ARSA: variants seen among roughly 807,000 people sequenced by gnomAD.
ARSA encodes arylsulfatase A.
In ARSA, 32 loss-of-function variants were observed where a neutral mutation model predicts 37.8. That is an observed-to-expected ratio of 0.85 (90% CI 0.64 to 1.14). ARSA has a LOEUF of 1.14. Among genes scored for constraint, ARSA ranks in the 50% most tolerant of loss-of-function variants. ARSA has a pLI of 0.00. For synonymous variants in ARSA, 303 were observed against 303.4 expected, an observed-to-expected ratio of 1.00 and a Z score of 0.01; for missense variants, 685 against 686.3, an observed-to-expected ratio of 1.00 and a Z score of 0.02.
At position 50,626,246 on chromosome 22, in the gene ARSA, C is replaced by T. The variant is rs199476347; in HGVS notation, c.887G>A (p.Cys296Tyr). The T allele has an allele frequency of 1.2e-6, 2 of 1,613,442 alleles. No homozygotes were observed. Among genetic ancestry groups the T allele is most frequent in the African/African-American group, 2.7e-5 (2 of 74,936 alleles). Residue 296 changes from cysteine (C) to tyrosine (Y), a missense_variant, in exon 5 of 8, where the codon TGC (cysteine) becomes TAC (tyrosine). Cys to Tyr is a radical substitution (Grantham distance 194). Transcript: ENST00000216124. ...CTTTCCACACCGCAAGAGACCGGAGCAGCCGCCTCGGGACATACGCATGGT... is the reference window on the plus strand; with the variant it reads ...CTTTCCACACCGCAAGAGACCGGAGTAGCCGCCTCGGGACATACGCATGGT... ...PETMRMSRGGCSGLLRCGKGT... is the reference protein window; with the variant it reads ...PETMRMSRGGYSGLLRCGKGT...
In ARSA at chr22:50,625,020, G is replaced by C. The variant is rs886057656; in HGVS notation, c.*125C>G. ...GCATTACCCCAGGATTGGACGAATT[G>C]TCACATCTGCAAGTCTCCACTGGTG... is the stretch of plus-strand genomic sequence containing the variant. On this transcript the variant is annotated 3_prime_UTR_variant, in exon 8 of 8. Coordinates refer to ENST00000216124, the MANE Select transcript of ARSA (RefSeq NM_000487.6). The C allele has an allele frequency of 1.7e-6, 2 of 1,178,520 alleles. No homozygotes were observed. Among genetic ancestry groups the C allele is most frequent in the Non-Finnish European group, 2.3e-6 (2 of 867,556 alleles). 73.0% of individuals were successfully genotyped at this position (1,178,520 alleles called of 1,614,324 possible).
intron 7 of ARSA, 27 bp downstream of exon 7, chr22:50,625,552 G>A (rs1267261611): frequency 1.9e-6 from 3 of 1,611,196 alleles, no homozygotes; most frequent in East Asian, 2.2e-5. Context: ...AGCAGGTCGG[G>A]GGGAGGGATC....
At position 50,626,208 on chromosome 22, in the gene ARSA, C is replaced by T. The variant is rs199476360; in HGVS notation, c.925G>A (p.Glu309Lys). The T allele has an allele frequency of 1.1e-5, 18 of 1,612,570 alleles. No homozygotes were observed. The highest frequency in any genetic ancestry group is 5.3e-5 in the African/African-American group (4 of 74,924). Reference sequence around the variant, plus strand: ...AAGGCAGGCTCTCGGACACCGCCCTCGTAGGTCGTTCCCTTTCCACACCGC... The same window carrying T: ...AAGGCAGGCTCTCGGACACCGCCCTTGTAGGTCGTTCCCTTTCCACACCGC... Reference protein sequence around the residue: ...LLRCGKGTTYEGGVREPALAF... With the variant: ...LLRCGKGTTYKGGVREPALAF... Residue 309 changes from glutamate to lysine, a missense_variant, in exon 5 of 8, where the codon GAG becomes AAG. Transcript: ENST00000216124.
In ARSA at chr22:50,623,369, A is replaced by T. The variant is rs2082616424; in HGVS notation, c.*1776T>A. The T allele has an allele frequency of 6.6e-6, 1 of 152,202 alleles. No individual in the cohort carries two copies. Among genetic ancestry groups the T allele is most frequent in the African/African-American group, 2.4e-5 (1 of 41,448 alleles). 9.4% of individuals were successfully genotyped at this position (152,202 alleles called of 1,614,324 possible). A position where few individuals can be genotyped will look rare whatever the true frequency, so the allele number is the denominator to read the frequency against. On this transcript the variant is annotated 3_prime_UTR_variant, in exon 8 of 8. Transcript: ENST00000216124. Reference sequence around the variant, plus strand: ...CTCAAGGGCAAACTGGGTCACTGTAAGGGGTTTGGATTTTCTTCTGAGAAG... The same window carrying T: ...CTCAAGGGCAAACTGGGTCACTGTATGGGGTTTGGATTTTCTTCTGAGAAG...
rs2082639311 is a variant in ARSA at position 50,625,068 on chromosome 22, C to T, written c.*77G>A. On this transcript the variant is annotated 3_prime_UTR_variant, in exon 8 of 8. Transcript: ENST00000216124. Reference sequence around the variant, plus strand: ...GTGTTATTACGTTATCAGGCACAAACCCCCTCCAGACACCTGAGCCTCCCC... The same window carrying T: ...GTGTTATTACGTTATCAGGCACAAATCCCCTCCAGACACCTGAGCCTCCCC... 3.5e-6 allele frequency: 5 copies of T among 1,420,484 alleles called. No individual in the cohort carries two copies. The highest frequency in any genetic ancestry group is 1.5e-5 in the South Asian group (1 of 68,608). 88.0% of individuals were successfully genotyped at this position (1,420,484 alleles called of 1,614,324 possible).
intron 7 of ARSA, 45 bp from the exon 8 acceptor site, chr22:50,625,509 G>C (rs963103843): frequency 6.2e-7 from 1 of 1,612,240 alleles, no homozygotes; most frequent in South Asian, 1.1e-5. Flanking sequence ...GGCGAGAGGA[G>C]GGGCCAGGGA....
At chr22:50,626,312 C>T in intron 4 of ARSA, 34 bp from the exon 5 acceptor site, 1 of 1,605,714 alleles carries the variant, frequency 6.2e-7, no homozygotes, top group Non-Finnish European at 8.5e-7. Context: ...AGCCATGGAG[C>T]CACAGCCTCT....
chr22:50,627,556 C>T lies in ARSA; in HGVS notation c.224G>A (p.Arg75Lys). ...GGAAGAGGCGCGGCCCCCTCTTTAC[C>T]TAGAGGGTGTGCACAGAGACACAGG... ...YVPVSLCTPS[R>K]AALLTGRLPV... The change falls in exon 1 of 8, where the codon AGG (arginine) becomes AAG (lysine). Residue 75 changes from arginine to lysine, a missense_variant and splice_region_variant. By Grantham distance (26) the Arg-to-Lys change is conservative. Transcript: ENST00000216124. 6.4e-7 allele frequency: 1 copy of T among 1,560,066 alleles called. No homozygotes were observed. The highest frequency in any genetic ancestry group is 8.7e-7 in the Non-Finnish European group (1 of 1,151,684).
chr22:50,625,770 C>T (rs1159114687), intron 6 of ARSA, 89 bp from the exon 7 acceptor site: 43 of 1,556,722 alleles, frequency 2.8e-5, no homozygotes, highest in African/African-American at 9.5e-5. Flanking sequence ...AGGCCCTGGA[C>T]GTGCACCGCT....
At chr22:50,625,736 C>T (rs1477860028) in intron 6 of ARSA, 55 bp from the exon 7 acceptor site, 5 of 1,583,166 alleles carry the variant, frequency 3.2e-6, no homozygotes, top group Non-Finnish European at 4.3e-6. Context: ...ACTGCACATA[C>T]CTGGGGCTGC....
Position 50,626,664 on chromosome 22 carries a change from C to G in ARSA, c.781G>C (p.Gly261Arg), listed in dbSNP as rs138850940. The change falls in exon 4 of 8, where the codon GGG becomes CGG. Residue 261 changes from glycine to arginine, a missense_variant. Gly to Arg is a moderately radical substitution (Grantham distance 125). Coordinates refer to ENST00000216124, the MANE Select transcript of ARSA (RefSeq NM_000487.6). Reference protein sequence around the residue: ...DSLMELDAAVGTLMTAIGDLG... With the variant: ...DSLMELDAAVRTLMTAIGDLG... The stretch of plus-strand genomic sequence containing the variant: ...TCCCCTATGGCTGTCATCAGGGTCC[C>G]CACAGCTGCATCCAGCTCCATCAGG... 1.2e-6 allele frequency: 2 copies of G among 1,614,172 alleles called. No homozygotes were observed. Among genetic ancestry groups the G allele is most frequent in the Admixed American group, 1.7e-5 (1 of 60,030 alleles).
At chr22:50,625,827 T>G (rs1354533218) in intron 6 of ARSA, 109 bp downstream of exon 6, 2 of 1,541,692 alleles carry the variant, frequency 1.3e-6, no homozygotes, top group Non-Finnish European at 1.8e-6. Flanking sequence ...TGGATGCCAC[T>G]CAGTGCAGGA....
rs917732194 is a variant in ARSA at position 50,626,083 on chromosome 22, C to A, written c.980-20G>T. The stretch of plus-strand genomic sequence containing the variant: ...TCACGCCTGGGGGCAGGAGGCTGGT[C>A]AGTCACTCAGTTCGCCATCAAGGTT... On this transcript the variant is annotated intron_variant, in intron 5 of 7. Coordinates refer to ENST00000216124, the MANE Select transcript of ARSA (RefSeq NM_000487.6). 1.5e-5 allele frequency: 24 copies of A among 1,598,782 alleles called. No homozygotes were observed. In the African/African-American group the frequency reaches 2.8e-4, roughly 19 times the overall value.
Position 50,625,189 on chromosome 22 carries a change from T to C in ARSA, c.1486A>G (p.Thr496Ala), listed in dbSNP as rs1196939207. 6.3e-7 allele frequency: 1 copy of C among 1,596,248 alleles called. No homozygotes were observed. Among genetic ancestry groups the C allele is most frequent in the East Asian group, 2.3e-5 (1 of 44,304 alleles). ...ALQICCHPGC[T>A]PRPACCHCPD... ...CAATGGCAGCAAGCTGGGCGGGGGGTGCAGCCAGGATGACAGCAGATCTGC... is the reference window on the plus strand; with the variant it reads ...CAATGGCAGCAAGCTGGGCGGGGGGCGCAGCCAGGATGACAGCAGATCTGC... The change falls in exon 8 of 8, where the codon ACC (threonine) becomes GCC (alanine). Residue 496 changes from threonine (T) to alanine (A), a missense_variant. Transcript: ENST00000216124.
In ARSA at chr22:50,625,674, C is replaced by T. The variant is rs74315477; in HGVS notation, c.1115G>A (p.Arg372Gln). The T allele has an allele frequency of 6.2e-6, 10 of 1,613,304 alleles. No individual in the cohort carries two copies. The highest frequency in any genetic ancestry group is 1.1e-5 in the South Asian group (1 of 91,078). Reference sequence around the variant, plus strand: ...GGACGGGTAGAAGAAGAGAGACTGCCGAGGGCTCTGGGGGCAGAGTCAGGG... The same window carrying T: ...GGACGGGTAGAAGAAGAGAGACTGCTGAGGGCTCTGGGGGCAGAGTCAGGG... Reference protein sequence around the residue: ...PLLLGTGKSPRQSLFFYPSYP... With the variant: ...PLLLGTGKSPQQSLFFYPSYP... The change falls in exon 7 of 8, where the codon CGG (arginine) becomes CAG (glutamine). Residue 372 changes from arginine (R) to glutamine (Q), a missense_variant. Physicochemically the swap from Arg to Gln is conservative, Grantham distance 43 (BLOSUM62 1). Coordinates refer to ENST00000216124, the MANE Select transcript of ARSA (RefSeq NM_000487.6).
At chr22:50,627,140 T>C (rs1249594737) in intron 2 of ARSA, 26 bp downstream of exon 2, 1 of 1,596,984 alleles carries the variant, frequency 6.3e-7, no homozygotes, top group Middle Eastern at 1.7e-4. Flanking sequence ...GGTGGGAGGG[T>C]GGCTGAGGGC....
intron 2 of ARSA, 49 bp from the exon 3 acceptor site, chr22:50,627,101 G>A (rs1202505321): frequency 1.9e-6 from 3 of 1,595,464 alleles, no homozygotes; most frequent in Non-Finnish European, 2.6e-6. Context: ...TGGGGCTGCG[G>A]GAGCATCAAG....
rs1406247778 is a variant in ARSA at position 50,624,115 on chromosome 22, A to G, written c.*1030T>C. On this transcript the variant is annotated 3_prime_UTR_variant, in exon 8 of 8. Transcript: ENST00000216124. ...AGACAGAGTTTTTCTCTTGTTGCCC[A>G]GGCTGGAGTGCAATGGTGCGATCTC... Among the ~76,000 whole-genome samples, 1 of 151,688 alleles carries G rather than the reference A, an allele frequency of 6.6e-6. No individual in the cohort carries two copies. Among genetic ancestry groups the G allele is most frequent in the African/African-American group, 2.4e-5 (1 of 41,312 alleles).
rs1250701888 is a variant in ARSA at position 50,625,958 on chromosome 22, G to C, written c.1085C>G (p.Pro362Arg). The part of the protein sequence containing the change: ...NVTLDGFDLS[P>R]LLLGTGKSPR... ...TACCTTGCCTGTGCCCAGCAGCAGG[G>C]GGCTGAGGTCAAAGCCATCCAAGGT... The change falls in exon 6 of 8, where the codon CCC becomes CGC. Residue 362 changes from proline to arginine, a missense_variant. Physicochemically the swap from Pro to Arg is moderately radical, Grantham distance 103. Coordinates refer to ENST00000216124, the MANE Select transcript of ARSA (RefSeq NM_000487.6). 4.4e-6 allele frequency: 7 copies of C among 1,573,240 alleles called. No homozygotes were observed. The East Asian group carries it at 1.4e-4, about 31-fold the overall frequency.
Sources: allele counts gnomAD v4.1 joint callset (sites outside exome capture counted in the v4.1 genomes callset), GRCh38; gene constraint gnomAD v4.1.1; transcripts MANE v1.5; gene names NCBI Gene and HGNC (gene_info 2026-07-23, HGNC 2026-07-21).